Variants in CACNA1C observed in about 807,000 individuals in gnomAD.
CACNA1C encodes the protein voltage-dependent L-type calcium channel subunit alpha-1C.
CACNA1C carries 30 observed loss-of-function variants against 229.0 expected under a neutral mutation model. The ratio of observed to expected loss-of-function variants is 0.13; its 90% confidence interval spans 0.10 to 0.18. The LOEUF (loss-of-function observed/expected upper bound fraction) is 0.18, where lower values mean the gene tolerates loss of function less well. Among genes scored for constraint, CACNA1C ranks in the 10% least tolerant of loss-of-function variants. The probability of loss-of-function intolerance (pLI) is 1.00; values close to 1 mark genes in which losing one functional copy is unlikely to be tolerated. For missense variants in CACNA1C, 1,658 were observed against 2,845.0 expected, an observed-to-expected ratio of 0.58 and a Z score of 9.49; for synonymous variants, 1,114 against 1,132.5, an observed-to-expected ratio of 0.98 and a Z score of 0.33.
intron 1 of CACNA1C, among the ~76,000 whole-genome samples, chr12:2,081,602 C>T (rs888231960): frequency 1.3e-5 from 2 of 151,310 alleles, no homozygotes; most frequent in Non-Finnish European, 2.9e-5. Flanking sequence ...TTCCTATAAA[C>T]AAAGGCTGAG....
rs758786846 is a variant in CACNA1C at position 2,593,260 on chromosome 12, C to T, written c.2578C>T (p.Arg860Ter). The change falls in exon 19 of 47, where the codon CGA becomes TGA. Residue 860 changes from arginine (R) to a stop codon, truncating the protein, a stop_gained. Transcript: ENST00000399655. LOFTEE classifies it high-confidence loss of function. ...EPEMPVGPRP[R>*]PLSELHLKEK... ...AGAGATGCCTGTCGGCCCTCGCCCACGACCACTCTCTGAGCTTCACCTTAA... is the reference window on the plus strand; with the variant it reads ...AGAGATGCCTGTCGGCCCTCGCCCATGACCACTCTCTGAGCTTCACCTTAA... 2 of 1,613,622 alleles carry T rather than the reference C, an allele frequency of 1.2e-6. No individual in the cohort carries two copies. The highest frequency in any genetic ancestry group is 1.3e-5 in the African/African-American group (1 of 74,922).
At chr12:2,502,244 C>T (rs2099762140) in intron 7 of CACNA1C, among the ~76,000 whole-genome samples, 2 of 152,252 alleles carry the variant, frequency 1.3e-5, no homozygotes, top group African/African-American at 2.4e-5. Context: ...GTACCTAGCA[C>T]ATATCAGGTT....
chr12:2,581,636 G>A lies in CACNA1C; in HGVS notation c.1942G>A (p.Val648Met), dbSNP rs1462314702. 1 of 1,589,850 alleles carries A rather than the reference G, an allele frequency of 6.3e-7. No homozygotes were observed. Among genetic ancestry groups the A allele is most frequent in the East Asian group, 2.3e-5 (1 of 43,990 alleles). ...SNLVASLLNS[V>M]RSIASLLLLL... The stretch of plus-strand genomic sequence containing the variant: ...CCTGGTGGCATCCTTGCTGAACTCT[G>A]TGCGCTCCATCGCCTCCCTGCTCCT... Residue 648 changes from valine (V) to methionine (M), a missense_variant, in exon 14 of 47, where the codon GTG becomes ATG. Around this residue, in one of 20 missense-constraint regions of CACNA1C, gnomAD observed 30 missense variants for 96.6 expected, o/e 0.31. Coordinates refer to ENST00000399655, the MANE Select transcript of CACNA1C (RefSeq NM_000719.7).
chr12:2,462,910 ATT>A (rs147569410), intron 5 of CACNA1C, among the ~76,000 whole-genome samples: 210 of 120,936 alleles, frequency 1.7e-3, no homozygotes, highest in South Asian at 7.9e-3. Context: ...CAAAAGTTGC[ATT>A]TTTTTTTTTT....
intron 3 of CACNA1C, among the ~76,000 whole-genome samples, chr12:2,162,092 A>T (rs944403196): frequency 2.0e-5 from 3 of 152,198 alleles, no homozygotes; most frequent in African/African-American, 7.2e-5. Context: ...CAGGTTTGCT[A>T]TGAGTGTTAG....
In CACNA1C at chr12:2,555,054, G is replaced by A. The variant is rs557736823; in HGVS notation, c.1482-1897G>A. Among the ~76,000 whole-genome samples, 33 of 152,348 alleles carry A rather than the reference G, an allele frequency of 2.2e-4. No individual in the cohort carries two copies. The South Asian group carries it at 6.8e-3, about 32-fold the overall frequency. Reference sequence around the variant, plus strand: ...ATCCATCCAGACCTGTAACAAAGCAGACAAGAAGGCTCTGTCCATTTCGTG... The same window carrying A: ...ATCCATCCAGACCTGTAACAAAGCAAACAAGAAGGCTCTGTCCATTTCGTG... On this transcript the variant is annotated intron_variant, in intron 10 of 46. Transcript: ENST00000399655.
chr12:2,286,814 T>C (rs565130527), intron 3 of CACNA1C, among the ~76,000 whole-genome samples: 17 of 152,244 alleles, frequency 1.1e-4, no homozygotes, highest in Non-Finnish European at 1.8e-4. Flanking sequence ...TTTTTCTTAC[T>C]GAGCAATGCT....
chr12:2,331,703 C>T (rs1240026882), intron 3 of CACNA1C, among the ~76,000 whole-genome samples: 1 of 152,210 alleles, frequency 6.6e-6, no homozygotes, highest in East Asian at 1.9e-4. Context: ...TGTGATATCC[C>T]AAGATGGACC....
At chr12:2,201,519 G>A (rs745626272) in intron 3 of CACNA1C, among the ~76,000 whole-genome samples, 3 of 152,218 alleles carry the variant, frequency 2.0e-5, no homozygotes, top group Non-Finnish European at 2.9e-5. Flanking sequence ...CAGAAGACTG[G>A]AAATGTCTTC....
At chr12:2,084,779 A>G (rs772793197) in intron 1 of CACNA1C, among the ~76,000 whole-genome samples, 1 of 152,146 alleles carries the variant, frequency 6.6e-6, no homozygotes. Flanking sequence ...AGCCTACTAA[A>G]ATCCCTAGGG....
chr12:2,049,330 T>C (rs1041871046), upstream of CACNA1C: 7 of 152,220 alleles, frequency 4.6e-5, no homozygotes, highest in African/African-American at 1.7e-4. Flanking sequence ...CAGGGTTGTT[T>C]GGAGGAGCAA....
chr12:2,510,530 C>T (rs55703629), intron 8 of CACNA1C, among the ~76,000 whole-genome samples: 15,208 of 152,230 alleles, frequency 0.1, 829 homozygotes, highest in Middle Eastern at 0.19. Context: ...ATTTTAGATC[C>T]CCAGAGGCCT....
chr12:2,644,257 T>C (rs2094093224), intron 30 of CACNA1C, among the ~76,000 whole-genome samples: 1 of 152,150 alleles, frequency 6.6e-6, no homozygotes, highest in African/African-American at 2.4e-5. Flanking sequence ...AGACCAGCCT[T>C]CCCTGGAGGA....
chr12:2,525,267 C>T (rs1007359537), intron 9 of CACNA1C, among the ~76,000 whole-genome samples: 9 of 152,038 alleles, frequency 5.9e-5, no homozygotes, highest in African/African-American at 1.7e-4. Flanking sequence ...AAGCTGGAGG[C>T]GGAGTGGGGG....
chr12:2,663,404 C>T (rs953287451), intron 34 of CACNA1C, among the ~76,000 whole-genome samples: 3 of 152,216 alleles, frequency 2.0e-5, no homozygotes, highest in Non-Finnish European at 4.4e-5. Flanking sequence ...CTATGGAAAA[C>T]AGTATGAAGA....
chr12:2,224,682 T>C (rs11062165), intron 3 of CACNA1C, among the ~76,000 whole-genome samples: 15,940 of 152,216 alleles, frequency 0.1, 1,357 homozygotes, highest in East Asian at 0.3. Context: ...AATTTCCTGA[T>C]GAAGAAAAGG....
At chr12:2,554,167 T>C (rs1211645193) in intron 10 of CACNA1C, among the ~76,000 whole-genome samples, 2 of 152,234 alleles carry the variant, frequency 1.3e-5, no homozygotes, top group East Asian at 1.9e-4. Flanking sequence ...TAATGACAAA[T>C]GCAAACTGAG....
At chr12:2,230,425 C>A (rs1402454177) in intron 3 of CACNA1C, among the ~76,000 whole-genome samples, 2 of 152,230 alleles carry the variant, frequency 1.3e-5, no homozygotes, top group Non-Finnish European at 2.9e-5. Flanking sequence ...AGTCAGCCCT[C>A]TGCCGGCGAG....
chr12:2,070,245 T>G (rs930380373), intron 1 of CACNA1C, among the ~76,000 whole-genome samples: 4 of 152,234 alleles, frequency 2.6e-5, no homozygotes, highest in Non-Finnish European at 5.9e-5. Flanking sequence ...GGAATGAGGA[T>G]GTCCCATGTT....
Sources: allele counts gnomAD v4.1 joint callset (sites outside exome capture counted in the v4.1 genomes callset), GRCh38; gene constraint gnomAD v4.1.1; regional missense constraint gnomAD v4.1.1; transcripts MANE v1.5; gene names NCBI Gene and HGNC (gene_info 2026-07-23, HGNC 2026-07-21).